The following ANXA6 variants were observed in gnomAD, a reference collection of about 807,000 sequenced individuals.
ANXA6 encodes 67 kDa calelectrin.
In ANXA6, 71 loss-of-function variants were observed where a neutral mutation model predicts 95.4. That is an observed-to-expected ratio of 0.74 (90% CI 0.61 to 0.91). The LOEUF is 0.91. Among genes scored for constraint, ANXA6 ranks in the 40% least tolerant of loss-of-function variants. The probability of loss-of-function intolerance (pLI) is 0.00; values close to 1 mark genes in which losing one functional copy is unlikely to be tolerated. For synonymous variants in ANXA6, 289 were observed against 315.9 expected, an observed-to-expected ratio of 0.91 and a Z score of 0.90; for missense variants, 830 against 876.4, an observed-to-expected ratio of 0.95 and a Z score of 0.67.
At chr5:151,105,355 C>G in intron 23 of ANXA6, 52 bp from the exon 24 acceptor site, 1 of 1,567,760 alleles carries the variant, frequency 6.4e-7, no homozygotes, top group South Asian at 1.1e-5. Flanking sequence ...GCTGTGAACC[C>G]AGACTCTGGA....
chr5:151,149,403 A>G (rs1582020338), intron 1 of ANXA6, among the ~76,000 whole-genome samples: 2 of 152,172 alleles, frequency 1.3e-5, no homozygotes, highest in African/African-American at 2.4e-5. Flanking sequence ...CAGGAGGGCA[A>G]CAGATGAAAG....
In ANXA6 at chr5:151,108,558, C is replaced by A; in HGVS notation, c.1685-8G>T. The A allele has an allele frequency of 1.9e-6, 3 of 1,613,506 alleles. No individual in the cohort carries two copies. The highest frequency in any genetic ancestry group is 2.5e-6 in the Non-Finnish European group (3 of 1,179,430). On this transcript the variant is annotated splice_region_variant and splice_polypyrimidine_tract_variant and intron_variant, in intron 22 of 25. Transcript: ENST00000354546. The stretch of plus-strand genomic sequence containing the variant: ...TGATGAACTCCTGGAAGACTGGCCA[C>A]AAGAGAAGCCCCAGAGGTGGGGGTG...
rs144537590 is a variant in ANXA6, at chr5:151,129,697, T to TTTTGTTTGTTTA, written c.796-169_796-168insTAAACAAACAAA. Among the ~76,000 whole-genome samples, 1,203 of 149,288 alleles carry TTTTGTTTGTTTA rather than the reference T, an allele frequency of 8.1e-3. 13 individuals carry two copies. Among genetic ancestry groups the TTTTGTTTGTTTA allele is most frequent in the African/African-American group, 0.027 (1,114 of 40,970 alleles). ...AGCTCTCTCTATGCTCCTCTTACTG[T>TTTTGTTTGTTTA]TTTGTTTGTTTGTTTGTTTGTTTGT... On this transcript the variant is annotated intron_variant, in intron 11 of 25. Transcript: ENST00000354546.
chr5:151,104,834 C>A (rs539278232), intron 24 of ANXA6, among the ~76,000 whole-genome samples: 1 of 151,862 alleles, frequency 6.6e-6, no homozygotes, highest in South Asian at 2.1e-4. Context: ...TCTGAGAGGG[C>A]AGAGACTGTG....
At chr5:151,108,644 G>T in intron 22 of ANXA6, 94 bp from the exon 23 acceptor site, 1 of 1,078,232 alleles carries the variant, frequency 9.3e-7, no homozygotes, top group Non-Finnish European at 1.4e-6. Context: ...CCCACAGGCT[G>T]TGCCTGAGAA....
chr5:151,149,907 C>T (rs923571848), intron 1 of ANXA6, among the ~76,000 whole-genome samples: 9 of 152,012 alleles, frequency 5.9e-5, no homozygotes, highest in Admixed American at 5.9e-4. Flanking sequence ...CCACCTGGGG[C>T]CAGAAGTTTG....
intron 21 of ANXA6, 77 bp from the exon 22 acceptor site, chr5:151,109,923 T>A: frequency 8.5e-7 from 1 of 1,175,942 alleles, no homozygotes; most frequent in Non-Finnish European, 1.2e-6. Flanking sequence ...CTTTCATGTC[T>A]TTGCCTGGGC....
chr5:151,126,102 C>T (rs1362053828), intron 14 of ANXA6, among the ~76,000 whole-genome samples: 2 of 152,168 alleles, frequency 1.3e-5, no homozygotes, highest in Admixed American at 6.5e-5. Flanking sequence ...GTCTCTGAGG[C>T]CAACTGTTTC....
At chr5:151,131,463 G>A (rs904639763) in intron 10 of ANXA6, among the ~76,000 whole-genome samples, 174 bp from the exon 11 acceptor site, 4 of 152,092 alleles carry the variant, frequency 2.6e-5, no homozygotes, top group African/African-American at 9.7e-5. Flanking sequence ...CACTTTTACC[G>A]CACACCCAGG....
chr5:151,112,623 T>C (rs1323032840), intron 20 of ANXA6, among the ~76,000 whole-genome samples: 1 of 152,186 alleles, frequency 6.6e-6, no homozygotes, highest in African/African-American at 2.4e-5. Flanking sequence ...CTTGAGCCTA[T>C]GAGTTTGAGA....
At position 151,136,242 on chromosome 5, in the gene ANXA6, G is replaced by A. The variant is rs983642594; in HGVS notation, c.489+14C>T. 1 of 1,613,430 alleles carries A rather than the reference G, an allele frequency of 6.2e-7. No individual in the cohort carries two copies. The highest frequency in any genetic ancestry group is 1.3e-5 in the African/African-American group (1 of 74,880). Reference sequence around the variant, plus strand: ...TCCCAAGCTCCAGAGGAAAAAAATAGGCTGTGAACCAACCTGGAGCAGGAC... The same window carrying A: ...TCCCAAGCTCCAGAGGAAAAAAATAAGCTGTGAACCAACCTGGAGCAGGAC... On this transcript the variant is annotated intron_variant, in intron 7 of 25. Transcript: ENST00000354546.
chr5:151,145,591 G>C (rs1322007021), intron 2 of ANXA6, among the ~76,000 whole-genome samples: 3 of 152,138 alleles, frequency 2.0e-5, no homozygotes, highest in Non-Finnish European at 4.4e-5. Context: ...AGAGAAGACG[G>C]AGCAGTTTGC....
intron 22 of ANXA6, 42 bp downstream of exon 22, chr5:151,109,711 G>A: frequency 6.7e-7 from 1 of 1,484,048 alleles, no homozygotes; most frequent in Non-Finnish European, 9.3e-7. Context: ...CAGATTCTGG[G>A]ATCTTCCTGC....
intron 6 of ANXA6, 27 bp from the exon 7 acceptor site, chr5:151,136,362 C>G (rs371552603): frequency 5.0e-5 from 80 of 1,612,070 alleles, no homozygotes; most frequent in South Asian, 2.7e-4. Context: ...AAGCTCTAGT[C>G]TCATCCCCAG....
intron 23 of ANXA6, among the ~76,000 whole-genome samples, chr5:151,108,203 C>T (rs1221618659): frequency 6.6e-6 from 1 of 151,858 alleles, no homozygotes; most frequent in Non-Finnish European, 1.5e-5. Context: ...GGACAGCGTG[C>T]CCCCTCCCCT....
At chr5:151,132,686 T>C in intron 9 of ANXA6, 115 bp from the exon 10 acceptor site, 1 of 834,072 alleles carries the variant, frequency 1.2e-6, no homozygotes, top group Non-Finnish European at 1.9e-6. Context: ...ACCATGAAGC[T>C]AGGGCTGGTG....
At chr5:151,136,084 A>C (rs1350287286) in intron 7 of ANXA6, among the ~76,000 whole-genome samples, 172 bp downstream of exon 7, 2 of 151,826 alleles carry the variant, frequency 1.3e-5, no homozygotes, top group East Asian at 3.9e-4. Context: ...AGCAGAAGAC[A>C]CTCCTGGGCA....
intron 13 of ANXA6, among the ~76,000 whole-genome samples, chr5:151,127,435 TTC>T (rs1468226625): frequency 3.5e-4 from 54 of 152,310 alleles, no homozygotes; most frequent in Non-Finnish European, 1.5e-5. Context: ...TCTGCCTTAT[TTC>T]TCTCTCTAGT....
chr5:151,136,245 T>C lies in ANXA6; in HGVS notation c.489+11A>G, dbSNP rs768821331. ...CAAGCTCCAGAGGAAAAAAATAGGC[T>C]GTGAACCAACCTGGAGCAGGACCAC... is the stretch of plus-strand genomic sequence containing the variant. On this transcript the variant is annotated intron_variant, in intron 7 of 25. Coordinates refer to ENST00000354546, the MANE Select transcript of ANXA6 (RefSeq NM_001155.5). 18 of 1,613,648 alleles carry C rather than the reference T, an allele frequency of 1.1e-5. No individual in the cohort carries two copies. In the Admixed American group the frequency reaches 2.7e-4, roughly 24 times the overall value.
Sources: gnomAD v4.1 joint callset for allele counts (sites outside exome capture counted in the v4.1 genomes callset) on GRCh38, gnomAD v4.1.1 for gene constraint, MANE v1.5 for transcripts, NCBI Gene and HGNC (gene_info 2026-07-23, HGNC 2026-07-21) for gene names.